Variants in CRISPLD2 observed in about 807,000 individuals in gnomAD.
CRISPLD2 encodes cysteine rich secretory protein LCCL domain containing 2.
Under a neutral mutation model 71.1 loss-of-function variants are expected in CRISPLD2, and 47 were observed. That is an observed-to-expected ratio of 0.66 (90% CI 0.52 to 0.84). CRISPLD2 has a LOEUF of 0.84. Ranked by LOEUF, CRISPLD2 falls within the 40% of genes least tolerant of loss-of-function variation. CRISPLD2 has a pLI of 0.00. For synonymous variants in CRISPLD2, 317 were observed against 250.1 expected (o/e 1.27, Z -2.52); for missense variants, 830 against 651.1 (o/e 1.27, Z -2.99).
Position 84,884,965 on chromosome 16 carries a change from C to A in CRISPLD2, c.1306-4265C>A, listed in dbSNP as rs566941583. Among the ~76,000 whole-genome samples, 6 of 152,340 alleles carry A rather than the reference C, an allele frequency of 3.9e-5. No individual in the cohort carries two copies. The South Asian group carries it at 8.3e-4, about 21-fold the overall frequency. The stretch of plus-strand genomic sequence containing the variant: ...CTCCTGGCGTTCCACTGGGAAACAG[C>A]CTGGGCCTTGCTCCTGGTACTGCAG... On this transcript the variant is annotated intron_variant, in intron 13 of 14. Coordinates refer to ENST00000262424, the MANE Select transcript of CRISPLD2 (RefSeq NM_031476.4).
At chr16:84,853,271 G>A (rs1278836692) in intron 5 of CRISPLD2, among the ~76,000 whole-genome samples, 1 of 152,146 alleles carries the variant, frequency 6.6e-6, no homozygotes, top group Non-Finnish European at 1.5e-5. Flanking sequence ...AAACCTACTG[G>A]GCTTCACCCA....
At chr16:84,833,896 G>A (rs1416655995) in intron 1 of CRISPLD2, among the ~76,000 whole-genome samples, 1 of 152,186 alleles carries the variant, frequency 6.6e-6, no homozygotes, top group Non-Finnish European at 1.5e-5. Context: ...GAAGAGGGTG[G>A]AAGAGAACTT....
At chr16:84,906,114 C>T (rs1160284522) in intron 14 of CRISPLD2, among the ~76,000 whole-genome samples, 1 of 152,060 alleles carries the variant, frequency 6.6e-6, no homozygotes, top group East Asian at 1.9e-4. Context: ...CTCTTTATTT[C>T]CTGGTGTCTC....
chr16:84,865,602 A>G (rs1378804589), intron 6 of CRISPLD2, among the ~76,000 whole-genome samples: 3 of 152,134 alleles, frequency 2.0e-5, no homozygotes, highest in Non-Finnish European at 1.5e-5. Context: ...TCTGGTCCAA[A>G]GACTTCTGTT....
At chr16:84,874,199 G>T (rs916999220) in intron 11 of CRISPLD2, among the ~76,000 whole-genome samples, 3 of 152,220 alleles carry the variant, frequency 2.0e-5, no homozygotes, top group African/African-American at 7.2e-5. Flanking sequence ...GTTGCCAGCT[G>T]AATGTCACAG....
chr16:84,823,626 A>G (rs1326217247), intron 1 of CRISPLD2, among the ~76,000 whole-genome samples: 3 of 152,100 alleles, frequency 2.0e-5, no homozygotes, highest in Non-Finnish European at 4.4e-5. Context: ...CCTGCCTTCT[A>G]CCCCAGGCTG....
rs1278463232 is a variant in CRISPLD2 at position 84,877,869 on chromosome 16, T to TA, written c.1229+364dup. ...GTCCCAAAATAAATAAAATACAAATTAAAAATCAGCTTTATTGAGGTAAAT... is the reference window on the plus strand; with the variant it reads ...GTCCCAAAATAAATAAAATACAAATTAAAAAATCAGCTTTATTGAGGTAAAT... On this transcript the variant is annotated intron_variant, in intron 12 of 14. Coordinates refer to ENST00000262424, the MANE Select transcript of CRISPLD2 (RefSeq NM_031476.4). Among the ~76,000 whole-genome samples, 8 of 149,568 alleles carry TA rather than the reference T, an allele frequency of 5.3e-5. No homozygotes were observed. In the Admixed American group the frequency reaches 5.4e-4, roughly 10 times the overall value.
rs757572271 is a variant in CRISPLD2, at chr16:84,877,454, C to T, written c.1173C>T (p.Cys391=). ...VSKVKVQDLD[C]YTTVAQLCPF... Reference sequence around the variant, plus strand: ...TGTTCACAGTGCAGGATTTGGACTGCTACACGACCGTTGCTCAGCTGTGCC... The same window carrying T: ...TGTTCACAGTGCAGGATTTGGACTGTTACACGACCGTTGCTCAGCTGTGCC... The change falls in exon 12 of 15, where the codon TGC becomes TGT. Residue 391 remains cysteine (C), a synonymous_variant. Transcript: ENST00000262424. 3.2e-5 allele frequency: 51 copies of T among 1,613,786 alleles called. No individual in the cohort carries two copies. Among genetic ancestry groups the T allele is most frequent in the Admixed American group, 1.7e-4 (10 of 60,008 alleles).
At chr16:84,904,347 G>C (rs565153692) in intron 14 of CRISPLD2, among the ~76,000 whole-genome samples, 1 of 85,808 alleles carries the variant, frequency 1.2e-5, no homozygotes. Context: ...CACTTTGGGA[G>C]GCCAAGGAGG....
chr16:84,839,228 G>A (rs984116389), intron 2 of CRISPLD2: 2 of 327,628 alleles, frequency 6.1e-6, no homozygotes, highest in Non-Finnish European at 1.2e-5. Context: ...ACACACGTGG[G>A]TTCCCTGTGC....
In CRISPLD2 at chr16:84,877,615, C is replaced by G. The variant is rs755361921; in HGVS notation, c.1229+105C>G. The G allele has an allele frequency of 1.7e-5, 16 of 938,846 alleles. No individual in the cohort carries two copies. In the Admixed American group the frequency reaches 3.2e-4, roughly 19 times the overall value. The allele number at this position is 938,846 out of a possible 1,614,324, so 58.2% of individuals were successfully genotyped here. A position where few individuals can be genotyped will look rare whatever the true frequency, so the allele number is the denominator to read the frequency against. ...CTGTAATCCCAGCACTTTGGGAGGC[C>G]GAGGCGGGTGGATCACTTGAGGCCA... On this transcript the variant is annotated intron_variant, in intron 12 of 14. Transcript: ENST00000262424.
At chr16:84,829,897 A>T (rs1485717021) in intron 1 of CRISPLD2, among the ~76,000 whole-genome samples, 2 of 152,242 alleles carry the variant, frequency 1.3e-5, no homozygotes, top group Non-Finnish European at 1.5e-5. Flanking sequence ...CCCCTTCCTC[A>T]TCCCACGTTG....
At chr16:84,891,849 T>C (rs565959946) in intron 14 of CRISPLD2, among the ~76,000 whole-genome samples, 2 of 152,262 alleles carry the variant, frequency 1.3e-5, no homozygotes, top group East Asian at 1.9e-4. Context: ...GCTGTCGGTC[T>C]TTCTCTCTTC....
rs143403506 is a variant in CRISPLD2, at chr16:84,867,014, A to G, written c.827A>G (p.Lys276Arg). 1.9e-6 allele frequency: 3 copies of G among 1,613,972 alleles called. No homozygotes were observed. In the African/African-American group the frequency reaches 4.0e-5, roughly 22 times the overall value. Residue 276 changes from lysine to arginine, a missense_variant, in exon 7 of 15, where the codon AAG (lysine) becomes AGG (arginine). Coordinates refer to ENST00000262424, the MANE Select transcript of CRISPLD2 (RefSeq NM_031476.4). ...QPRVMRPTKP[K>R]KTSAVNYMTQ... ...AGGGTGATGAGACCCACCAAGCCCAAGAAAACCTCTGCGGTCAACTACATG... is the reference window on the plus strand; with the variant it reads ...AGGGTGATGAGACCCACCAAGCCCAGGAAAACCTCTGCGGTCAACTACATG...
At chr16:84,895,877 CT>C (rs1422085266) in intron 14 of CRISPLD2, among the ~76,000 whole-genome samples, 1 of 152,050 alleles carries the variant, frequency 6.6e-6, no homozygotes, top group South Asian at 2.1e-4. Flanking sequence ...GGAGTGGGCA[CT>C]TTGAGGAACC....
At chr16:84,880,642 G>A in intron 13 of CRISPLD2, 58 bp downstream of exon 13, 2 of 1,326,744 alleles carry the variant, frequency 1.5e-6, no homozygotes, top group South Asian at 1.2e-5. Flanking sequence ...ACCTCAACAT[G>A]CAAGCTCCAA....
intron 6 of CRISPLD2, among the ~76,000 whole-genome samples, chr16:84,856,171 G>C (rs894627396): frequency 1.6e-4 from 24 of 152,170 alleles, no homozygotes; most frequent in Non-Finnish European, 4.4e-5. Context: ...AAAGGGTCTG[G>C]ACCATTTGTA....
intron 6 of CRISPLD2, among the ~76,000 whole-genome samples, chr16:84,861,193 A>AT (rs1917369937): frequency 6.6e-6 from 1 of 152,188 alleles, no homozygotes; most frequent in Non-Finnish European, 1.5e-5. Flanking sequence ...ATCTAATCAT[A>AT]TTAAGCAGCC....
rs936126238 is a variant in CRISPLD2 at position 84,907,258 on chromosome 16, C to G, written c.*616C>G. ...CCTGGCACGTGTCCTTGCTGGCGGC[C>G]CGCCACAGGCCCCCTTCAATGGCCG... On this transcript the variant is annotated 3_prime_UTR_variant, in exon 15 of 15. Coordinates refer to ENST00000262424, the MANE Select transcript of CRISPLD2 (RefSeq NM_031476.4). The G allele has an allele frequency of 1.9e-5, 3 of 161,400 alleles. No homozygotes were observed. The highest frequency in any genetic ancestry group is 7.2e-5 in the African/African-American group (3 of 41,522). 10.0% of individuals were successfully genotyped at this position (161,400 alleles called of 1,614,324 possible).
Sources: allele counts gnomAD v4.1 joint callset (sites outside exome capture counted in the v4.1 genomes callset), GRCh38; gene constraint gnomAD v4.1.1; transcripts MANE v1.5; gene names NCBI Gene and HGNC (gene_info 2026-07-23, HGNC 2026-07-21).